The following FBXO36 variants were observed in gnomAD, a reference collection of about 807,000 sequenced individuals.
FBXO36 encodes the protein F-box only protein 36.
A neutral mutation model predicts 17.0 loss-of-function variants in FBXO36; 18 were observed. That is an observed-to-expected ratio of 1.06 (90% CI 0.73 to 1.57). The LOEUF is 1.57. FBXO36 is among the 40% of genes most tolerant of loss of function. FBXO36 has a pLI of 0.00. For missense variants in FBXO36, 229 were observed against 221.9 expected, an observed-to-expected ratio of 1.03 and a Z score of -0.20; for synonymous variants, 83 against 85.3, an observed-to-expected ratio of 0.97 and a Z score of 0.15.
intron 1 of FBXO36, among the ~76,000 whole-genome samples, chr2:229,945,530 T>G (rs1210504405): frequency 6.6e-6 from 1 of 150,852 alleles, no homozygotes; most frequent in African/African-American, 2.4e-5. Context: ...GGTCTCAAAC[T>G]CCCGACCTCA....
chr2:230,006,240 C>T (rs921108797), intron 3 of FBXO36, among the ~76,000 whole-genome samples: 6 of 151,566 alleles, frequency 4.0e-5, no homozygotes, highest in East Asian at 1.9e-4. Flanking sequence ...AGACTATAGG[C>T]GCATGCCACC....
intron 1 of FBXO36, among the ~76,000 whole-genome samples, chr2:229,970,874 C>A (rs1476397479): frequency 1.3e-5 from 2 of 152,088 alleles, no homozygotes; most frequent in African/African-American, 4.8e-5. Context: ...TTCTAAAATA[C>A]ATGCCTAATG....
rs1255692483 is a variant in FBXO36 at position 230,011,693 on chromosome 2, C to A, written c.*809C>A. The A allele has an allele frequency of 6.9e-6, 1 of 144,658 alleles. No homozygotes were observed. Among genetic ancestry groups the A allele is most frequent in the Non-Finnish European group, 1.5e-5 (1 of 67,146 alleles). 9.0% of individuals were successfully genotyped at this position (144,658 alleles called of 1,614,324 possible). On this transcript the variant is annotated 3_prime_UTR_variant, in exon 4 of 4. Coordinates refer to ENST00000283946, the MANE Select transcript of FBXO36 (RefSeq NM_174899.5). ...TGAACTCCTGACCTCAAGTGATCTA[C>A]CTGCTCTGGCTTCCAAAGTGCTGGG... is the stretch of plus-strand genomic sequence containing the variant.
chr2:229,961,866 A>G (rs1381946022), intron 1 of FBXO36, among the ~76,000 whole-genome samples: 2 of 152,168 alleles, frequency 1.3e-5, no homozygotes, highest in African/African-American at 4.8e-5. Context: ...TAGGGCCATC[A>G]ATAAAATTGA....
At chr2:229,933,405 T>A (rs988827092) in intron 1 of FBXO36, among the ~76,000 whole-genome samples, 2 of 151,964 alleles carry the variant, frequency 1.3e-5, no homozygotes, top group Non-Finnish European at 2.9e-5. Context: ...CTCTCTCATA[T>A]ACACACACAC....
intron 1 of FBXO36, among the ~76,000 whole-genome samples, chr2:229,950,094 G>A (rs1346305736): frequency 6.6e-6 from 1 of 152,126 alleles, no homozygotes; most frequent in Non-Finnish European, 1.5e-5. Flanking sequence ...ACTGGCCCAG[G>A]GGAGCTGACA....
chr2:229,997,367 C>G (rs2077332711), intron 3 of FBXO36, among the ~76,000 whole-genome samples: 1 of 151,388 alleles, frequency 6.6e-6, no homozygotes, highest in Admixed American at 6.6e-5. Context: ...CACCTGAGGT[C>G]AGGAGTTTGA....
intron 1 of FBXO36, among the ~76,000 whole-genome samples, chr2:229,924,914 G>C (rs911291289): frequency 5.3e-5 from 8 of 151,790 alleles, no homozygotes; most frequent in Non-Finnish European, 8.8e-5. Flanking sequence ...GATTACAGGC[G>C]CCCGCCACCA....
intron 1 of FBXO36, among the ~76,000 whole-genome samples, chr2:229,940,092 A>T (rs562522497): frequency 2.4e-3 from 355 of 149,262 alleles, no homozygotes; most frequent in Non-Finnish European, 4.0e-3. Context: ...AAAAAATATA[A>T]AAAAAAAAAG....
At chr2:230,003,847 C>T (rs957959357) in intron 3 of FBXO36, among the ~76,000 whole-genome samples, 1 of 152,196 alleles carries the variant, frequency 6.6e-6, no homozygotes, top group African/African-American at 2.4e-5. Context: ...TCTTCTGCTT[C>T]TTGACTCATC....
At chr2:229,978,320 C>T (rs940818267) in intron 2 of FBXO36, among the ~76,000 whole-genome samples, 2 of 149,648 alleles carry the variant, frequency 1.3e-5, no homozygotes, top group East Asian at 2.0e-4. Context: ...CGGTGGCTCA[C>T]GCCTGTAATC....
intron 1 of FBXO36, among the ~76,000 whole-genome samples, chr2:229,970,732 G>A (rs1047836158): frequency 7.2e-5 from 11 of 152,064 alleles, no homozygotes; most frequent in African/African-American, 1.2e-4. Context: ...GAGAACTTTC[G>A]TCTGTGTATT....
intron 1 of FBXO36, among the ~76,000 whole-genome samples, chr2:229,925,632 G>A (rs1290581591): frequency 1.3e-5 from 2 of 151,622 alleles, no homozygotes; most frequent in African/African-American, 2.4e-5. Context: ...CTGTTTTTTA[G>A]TCTCTTTTTC....
chr2:229,940,069 A>T (rs2076990329), intron 1 of FBXO36, among the ~76,000 whole-genome samples: 1 of 152,026 alleles, frequency 6.6e-6, no homozygotes, highest in Non-Finnish European at 1.5e-5. Flanking sequence ...CGCTGGAGTG[A>T]GACCCTGTCT....
At chr2:230,003,632 A>G (rs1468160565) in intron 3 of FBXO36, among the ~76,000 whole-genome samples, 1 of 151,998 alleles carries the variant, frequency 6.6e-6, no homozygotes, top group African/African-American at 2.4e-5. Context: ...TCCCAGGTTC[A>G]ACTGATTCTC....
intron 2 of FBXO36, among the ~76,000 whole-genome samples, chr2:229,982,213 A>T (rs182758088): frequency 6.6e-6 from 1 of 151,538 alleles, no homozygotes; most frequent in Non-Finnish European, 1.5e-5. Flanking sequence ...TTTTGTAGAG[A>T]TGGGGTTTCA....
intron 1 of FBXO36, among the ~76,000 whole-genome samples, chr2:229,960,851 G>A (rs556570684): frequency 7.2e-5 from 11 of 152,254 alleles, no homozygotes; most frequent in South Asian, 2.1e-4. Context: ...GCTCATGCCT[G>A]TAATCCCAGC....
chr2:229,997,126 A>G (rs959996053), intron 3 of FBXO36, among the ~76,000 whole-genome samples: 5 of 152,066 alleles, frequency 3.3e-5, no homozygotes, highest in African/African-American at 4.8e-5. Context: ...AAATAATTAT[A>G]ATACAGCGTG....
At chr2:229,943,029 G>C (rs2077008024) in intron 1 of FBXO36, 1 of 152,234 alleles carries the variant, frequency 6.6e-6, no homozygotes, top group Non-Finnish European at 1.5e-5. Context: ...ATGCAGAGAT[G>C]GGTCCACTCC....
Sources: gnomAD v4.1 joint callset for allele counts (sites outside exome capture counted in the v4.1 genomes callset) on GRCh38, gnomAD v4.1.1 for gene constraint, MANE v1.5 for transcripts, NCBI Gene and HGNC (gene_info 2026-07-23, HGNC 2026-07-21) for gene names.